Variants in DUSP10 observed in about 807,000 individuals in gnomAD.
The protein encoded by DUSP10 is dual specificity phosphatase 10.
Under a neutral mutation model 30.8 loss-of-function variants are expected in DUSP10, and 14 were observed. That is an observed-to-expected ratio of 0.46 (90% CI 0.30 to 0.71). The LOEUF (loss-of-function observed/expected upper bound fraction) is 0.71, where lower values mean the gene tolerates loss of function less well. Ranked by LOEUF, DUSP10 falls within the 30% of genes least tolerant of loss-of-function variation. The pLI is 0.08. For synonymous variants in DUSP10, 254 were observed against 250.4 expected, an observed-to-expected ratio of 1.01 and a Z score of -0.14; for missense variants, 550 against 619.4, an observed-to-expected ratio of 0.89 and a Z score of 1.19.
At chr1:221,704,950 C>T (rs1660711248) in intron 3 of DUSP10, among the ~76,000 whole-genome samples, 1 of 152,082 alleles carries the variant, frequency 6.6e-6, no homozygotes, top group Non-Finnish European at 1.5e-5. Context: ...AGGAACACCC[C>T]ACTCCACTTA....
intron 1 of DUSP10, 137 bp from the exon 2 acceptor site, chr1:221,739,924 A>G: frequency 1.2e-6 from 1 of 869,060 alleles, no homozygotes; most frequent in Non-Finnish European, 1.6e-6. Flanking sequence ...CCATTATCAA[A>G]ACTTGAAATT....
At chr1:221,725,780 A>C (rs1661407870) in intron 2 of DUSP10, among the ~76,000 whole-genome samples, 1 of 152,212 alleles carries the variant, frequency 6.6e-6, no homozygotes, top group Non-Finnish European at 1.5e-5. Context: ...GTTGAGAGGA[A>C]GGGAGACACA....
chr1:221,702,357 T>C lies in DUSP10; in HGVS notation c.*55A>G. On this transcript the variant is annotated 3_prime_UTR_variant, in exon 4 of 4. Coordinates refer to ENST00000366899, the MANE Select transcript of DUSP10 (RefSeq NM_007207.6). This position sits in a 1 kb window ranked among gnomAD's most constrained non-coding sequence, Gnocchi z 4.5. ...AAAGAAAAAAAACCAGAATCCATCC[T>C]CCTTCCTCATTGTCTCCTAATGGAG... The C allele has an allele frequency of 6.5e-7, 1 of 1,550,184 alleles. No individual in the cohort carries two copies. Among genetic ancestry groups the C allele is most frequent in the Non-Finnish European group, 8.7e-7 (1 of 1,146,364 alleles).
At chr1:221,733,650 A>G (rs1160287485) in intron 2 of DUSP10, among the ~76,000 whole-genome samples, 1 of 152,218 alleles carries the variant, frequency 6.6e-6, no homozygotes, top group Non-Finnish European at 1.5e-5. Context: ...GACAGCCATC[A>G]AATGCCAGGT....
rs116735366 is a variant in DUSP10, at chr1:221,716,367, A to C, written c.812-9901T>G. On this transcript the variant is annotated intron_variant, in intron 2 of 3. Transcript: ENST00000366899. ...AACCACCTGAAGACAGGTTGTGGGC[A>C]TAGTTGACTTCAAGTCAGTCCCTCT... is the stretch of plus-strand genomic sequence containing the variant. 3.2e-4 allele frequency among the ~76,000 whole-genome samples: 49 copies of C among 152,240 alleles called. 1 individual carries two copies. Among genetic ancestry groups the C allele is most frequent in the Non-Finnish European group, 6.0e-4 (41 of 68,014 alleles).
Position 221,739,700 on chromosome 1 carries a change from A to G in DUSP10, c.45T>C (p.Ser15=). Residue 15 remains serine (S), a synonymous_variant, in exon 2 of 4, where the codon TCT becomes TCC. Coordinates refer to ENST00000366899, the MANE Select transcript of DUSP10 (RefSeq NM_007207.6). ...PLDDRVVVAL[S]RPVRPQDLNL... ...TGAGATCCTGAGGTCGGACGGGCCT[A>G]GATAGTGCCACTACTACCCTGTCGT... 1.2e-6 allele frequency: 2 copies of G among 1,612,966 alleles called. No individual in the cohort carries two copies. Among genetic ancestry groups the G allele is most frequent in the Non-Finnish European group, 1.7e-6 (2 of 1,179,332 alleles).
chr1:221,739,347 A>T lies in DUSP10; in HGVS notation c.398T>A (p.Val133Glu). ...NTGSLSPSSG[V>E]GSPVSGTPKQ... ...GGGGGTCCCTGACACAGGGCTGCCC[A>T]CCCCACTTGATGGACTTAGAGAGCC... The change falls in exon 2 of 4, where the codon GTG becomes GAG. Residue 133 changes from valine to glutamate, a missense_variant. By Grantham distance (121) the Val-to-Glu change is moderately radical. Coordinates refer to ENST00000366899, the MANE Select transcript of DUSP10 (RefSeq NM_007207.6). The T allele has an allele frequency of 6.2e-7, 1 of 1,613,972 alleles. No individual in the cohort carries two copies. The highest frequency in any genetic ancestry group is 8.5e-7 in the Non-Finnish European group (1 of 1,179,920).
chr1:221,729,891 C>A (rs1215139817), intron 2 of DUSP10, among the ~76,000 whole-genome samples: 1 of 152,130 alleles, frequency 6.6e-6, no homozygotes, highest in Non-Finnish European at 1.5e-5. Context: ...TCAGGGAAGG[C>A]CCTCTTAGAA....
At chr1:221,728,735 T>G (rs1661494686) in intron 2 of DUSP10, among the ~76,000 whole-genome samples, 1 of 152,220 alleles carries the variant, frequency 6.6e-6, no homozygotes, top group African/African-American at 2.4e-5. Flanking sequence ...ATCAAATACC[T>G]TTGGCATTAG....
chr1:221,736,859 T>A (rs1218241141), intron 2 of DUSP10: 3 of 985,342 alleles, frequency 3.0e-6, no homozygotes, highest in South Asian at 4.7e-5. Context: ...CACCAGAGCA[T>A]CTTCCAAGTC....
intron 2 of DUSP10, among the ~76,000 whole-genome samples, chr1:221,736,627 A>G (rs1661781791): frequency 6.6e-6 from 1 of 152,202 alleles, no homozygotes; most frequent in African/African-American, 2.4e-5. Context: ...TGGTTTACCA[A>G]GTTGAAAGGA....
At chr1:221,708,968 C>T (rs1471747469) in intron 2 of DUSP10, among the ~76,000 whole-genome samples, 2 of 148,814 alleles carry the variant, frequency 1.3e-5, no homozygotes, top group East Asian at 4.0e-4. Flanking sequence ...ATTTAGGGTA[C>T]TCAAGCTGTA....
At chr1:221,737,256 A>G (rs1293703115) in intron 2 of DUSP10, 3 of 985,310 alleles carry the variant, frequency 3.0e-6, no homozygotes, top group Non-Finnish European at 3.6e-6. Flanking sequence ...CTTGCTTTTT[A>G]TCATGAACAC....
intron 2 of DUSP10, among the ~76,000 whole-genome samples, chr1:221,735,498 CATTA>C (rs1335608030): frequency 6.6e-6 from 1 of 152,140 alleles, no homozygotes; most frequent in African/African-American, 2.4e-5. Flanking sequence ...GAATTTGAAA[CATTA>C]ATTTACACAT....
chr1:221,706,475 C>T lies in DUSP10; in HGVS notation c.812-9G>A. The T allele has an allele frequency of 4.0e-6, 6 of 1,492,932 alleles. No individual in the cohort carries two copies. Among genetic ancestry groups the T allele is most frequent in the Non-Finnish European group, 5.4e-6 (6 of 1,119,094 alleles). The allele number at this position is 1,492,932 out of a possible 1,614,324, so 92.5% of individuals were successfully genotyped here. The stretch of plus-strand genomic sequence containing the variant: ...AAAACTACTAAGTCCACCTAGAACA[C>T]AAACACAGAAGGTGAGTGTGACTGA... On this transcript the variant is annotated splice_polypyrimidine_tract_variant and intron_variant, in intron 2 of 3. Coordinates refer to ENST00000366899, the MANE Select transcript of DUSP10 (RefSeq NM_007207.6). The surrounding 1 kb of genome is among the most constrained non-coding windows in gnomAD (Gnocchi z 4.6).
At chr1:221,726,582 C>T (rs1661431523) in intron 2 of DUSP10, among the ~76,000 whole-genome samples, 1 of 151,426 alleles carries the variant, frequency 6.6e-6, no homozygotes, top group African/African-American at 2.4e-5. Context: ...TTATGTTTTT[C>T]TTTCTAAAAT....
intron 3 of DUSP10, among the ~76,000 whole-genome samples, chr1:221,703,330 G>GA (rs1175584157): frequency 6.6e-6 from 1 of 151,976 alleles, no homozygotes; most frequent in Non-Finnish European, 1.5e-5. Context: ...TTGTAATAGA[G>GA]AAAAAACACT....
At chr1:221,730,351 T>A (rs1661550227) in intron 2 of DUSP10, among the ~76,000 whole-genome samples, 1 of 152,232 alleles carries the variant, frequency 6.6e-6, no homozygotes, top group Non-Finnish European at 1.5e-5. Flanking sequence ...AGGACAGGCC[T>A]GATGCGACCC....
chr1:221,732,333 C>A (rs1661636203), intron 2 of DUSP10, among the ~76,000 whole-genome samples: 1 of 152,176 alleles, frequency 6.6e-6, no homozygotes, highest in Non-Finnish European at 1.5e-5. Context: ...AGGTTAACAG[C>A]TTAAACCACT....
Sources: allele counts gnomAD v4.1 joint callset (sites outside exome capture counted in the v4.1 genomes callset), GRCh38; gene constraint gnomAD v4.1.1; non-coding constraint Gnocchi (gnomAD v3.1); transcripts MANE v1.5; gene names NCBI Gene and HGNC (gene_info 2026-07-23, HGNC 2026-07-21).